PHF24: variants seen among roughly 807,000 people sequenced by gnomAD.
PHF24 encodes the protein Galpha inhibitory interacting protein.
Under a neutral mutation model 42.6 loss-of-function variants are expected in PHF24, and 25 were observed. That is an observed-to-expected ratio of 0.59 (90% CI 0.43 to 0.82). The LOEUF (loss-of-function observed/expected upper bound fraction) is 0.82. Among genes scored for constraint, PHF24 ranks in the 40% least tolerant of loss-of-function variants. PHF24 has a pLI of 0.00. For missense variants in PHF24, 470 were observed against 538.1 expected (o/e 0.87, Z 1.25); for synonymous variants, 185 against 204.8 (o/e 0.90, Z 0.83).
chr9:34,835,493 C>T, the PHF24 span: 23 of 1,551,894 alleles, frequency 1.5e-5, no homozygotes, highest in East Asian at 2.4e-5. Flanking sequence ...CGGATGCATC[C>T]GGTTCAGGGT....
the PHF24 span, among the ~76,000 whole-genome samples, chr9:34,847,717 G>C: frequency 6.6e-6 from 1 of 152,034 alleles, no homozygotes; most frequent in Admixed American, 6.6e-5. Flanking sequence ...TGCCCATTCA[G>C]TGTGATATTG....
chr9:34,672,756 A>G, the PHF24 span, among the ~76,000 whole-genome samples: 1 of 152,118 alleles, frequency 6.6e-6, no homozygotes, highest in Non-Finnish European at 1.5e-5. Context: ...TAAAGGCCCC[A>G]CCTTTCAATA....
At chr9:34,764,380 G>A in the PHF24 span, among the ~76,000 whole-genome samples, 3 of 136,154 alleles carry the variant, frequency 2.2e-5, no homozygotes, top group African/African-American at 8.1e-5. Context: ...TTCAGAGCCT[G>A]TTATTGGTCT....
At chr9:34,732,977 C>T in the PHF24 span, among the ~76,000 whole-genome samples, 1 of 152,158 alleles carries the variant, frequency 6.6e-6, no homozygotes, top group African/African-American at 2.4e-5. Context: ...TACCAAATAA[C>T]ACTGACATGA....
At chr9:34,824,072 G>C in the PHF24 span, among the ~76,000 whole-genome samples, 2 of 152,328 alleles carry the variant, frequency 1.3e-5, no homozygotes, top group East Asian at 3.9e-4. Context: ...GGGCCTGTTT[G>C]CTCTCGCCTG....
the PHF24 span, among the ~76,000 whole-genome samples, chr9:34,910,368 G>A: frequency 1.3e-5 from 2 of 152,018 alleles, no homozygotes; most frequent in Admixed American, 1.3e-4. Flanking sequence ...GTTATTACGT[G>A]CATACTCTAG....
chr9:34,840,068 A>G, the PHF24 span, among the ~76,000 whole-genome samples: 1 of 152,198 alleles, frequency 6.6e-6, no homozygotes, highest in African/African-American at 2.4e-5. Context: ...AGATGAATGG[A>G]TTGGAGAGCA....
At chr9:34,683,388 A>G in the PHF24 span, among the ~76,000 whole-genome samples, 1 of 152,224 alleles carries the variant, frequency 6.6e-6, no homozygotes, top group East Asian at 1.9e-4. Context: ...AACAACTTGG[A>G]GGCTAGGTTC....
At chr9:34,931,232 C>T in the PHF24 span, among the ~76,000 whole-genome samples, 14 of 151,868 alleles carry the variant, frequency 9.2e-5, no homozygotes, top group African/African-American at 9.7e-5. Context: ...AAAAATTAGC[C>T]GGGCATGGTG....
chr9:34,953,378 T>C (rs1054495887), upstream of PHF24, among the ~76,000 whole-genome samples: 4 of 152,190 alleles, frequency 2.6e-5, no homozygotes, highest in Admixed American at 6.5e-5. The surrounding 1 kb of genome is among the most constrained non-coding windows in gnomAD (Gnocchi z 4.1). Flanking sequence ...CTCAAACTCT[T>C]GGCCTCAAAT....
chr9:34,683,857 T>A, the PHF24 span, among the ~76,000 whole-genome samples: 1 of 152,182 alleles, frequency 6.6e-6, no homozygotes, highest in Admixed American at 6.5e-5. Flanking sequence ...ATCAGGGTCA[T>A]CTAAAACATG....
chr9:34,793,240 C>T, the PHF24 span, among the ~76,000 whole-genome samples: 12 of 151,976 alleles, frequency 7.9e-5, no homozygotes, highest in African/African-American at 2.4e-4. Flanking sequence ...CCCAAGCAAC[C>T]CCTACACTCT....
At chr9:34,948,903 C>T in the PHF24 span, among the ~76,000 whole-genome samples, 2 of 152,074 alleles carry the variant, frequency 1.3e-5, no homozygotes, top group African/African-American at 4.8e-5. Context: ...TAACATTAGA[C>T]AAAGTAGACT....
chr9:34,818,119 G>GT, the PHF24 span, among the ~76,000 whole-genome samples: 1 of 152,160 alleles, frequency 6.6e-6, no homozygotes, highest in Non-Finnish European at 1.5e-5. Context: ...AGACAATAAT[G>GT]TTGCTTGTGA....
the PHF24 span, among the ~76,000 whole-genome samples, chr9:34,912,394 C>A: frequency 1.4e-4 from 22 of 152,094 alleles, no homozygotes; most frequent in African/African-American, 5.3e-4. Context: ...TAAAAAGGGG[C>A]TCCTGAGAAA....
the PHF24 span, among the ~76,000 whole-genome samples, chr9:34,713,605 C>T: frequency 2.0e-5 from 3 of 152,054 alleles, no homozygotes; most frequent in African/African-American, 7.2e-5. Context: ...GAGGGACCAA[C>T]CCCTATAACT....
the PHF24 span, among the ~76,000 whole-genome samples, chr9:34,876,017 C>T: frequency 6.7e-6 from 1 of 149,358 alleles, no homozygotes; most frequent in African/African-American, 2.5e-5. Context: ...CTGGATATTC[C>T]AGTTAGGTCC....
the PHF24 span, among the ~76,000 whole-genome samples, chr9:34,766,371 C>T: frequency 6.6e-6 from 1 of 152,162 alleles, no homozygotes; most frequent in East Asian, 1.9e-4. Context: ...TTCACATAGT[C>T]CCATATTTCT....
the PHF24 span, among the ~76,000 whole-genome samples, chr9:34,937,040 C>CCGCCGGGCCAGCCG: frequency 6.1e-5 from 9 of 147,416 alleles, no homozygotes; most frequent in Non-Finnish European, 1.4e-4. Context: ...GTCAGCCCCC[C>CCGCCGGGCCAGCCG]CCCCGGGCCA....
Sources: allele counts gnomAD v4.1 joint callset (sites outside exome capture counted in the v4.1 genomes callset), GRCh38; gene constraint gnomAD v4.1.1; non-coding constraint Gnocchi (gnomAD v3.1); transcripts MANE v1.5; gene names NCBI Gene and HGNC (gene_info 2026-07-23, HGNC 2026-07-21).